TXNRD1: variants seen among roughly 807,000 people sequenced by gnomAD.
TXNRD1 encodes the protein thioredoxin reductase 1, cytoplasmic.
In TXNRD1, 57 loss-of-function variants were observed where a neutral mutation model predicts 80.3. The ratio of observed to expected loss-of-function variants is 0.71; its 90% CI spans 0.57 to 0.89. TXNRD1 has a LOEUF of 0.89. Among genes scored for constraint, TXNRD1 ranks in the 40% least tolerant of loss-of-function variants. TXNRD1 has a pLI of 0.00. For missense variants in TXNRD1, 730 were observed against 803.0 expected, an observed-to-expected ratio of 0.91 and a Z score of 1.10; for synonymous variants, 291 against 285.2, an observed-to-expected ratio of 1.02 and a Z score of -0.20.
At chr12:104,238,193 G>C (rs2032779882) in intron 1 of TXNRD1, among the ~76,000 whole-genome samples, 1 of 152,172 alleles carries the variant, frequency 6.6e-6, no homozygotes. Context: ...GTCATTCGCA[G>C]ACAATTGTTG....
rs566291103 is a variant in TXNRD1, at chr12:104,232,044, G to A, written c.91+16151G>A. 1.5e-4 allele frequency among the ~76,000 whole-genome samples: 23 copies of A among 152,268 alleles called. 1 individual carries two copies. In the South Asian group the frequency reaches 4.8e-3, roughly 32 times the overall value. On this transcript the variant is annotated intron_variant, in intron 1 of 16. Coordinates refer to ENST00000525566, the MANE Select transcript of TXNRD1 (RefSeq NM_001093771.3). ...TGTGTTGTTCATAGAATAAACTTTA[G>A]TCTTATACTTGGCCTGATTATTTGC... is the stretch of plus-strand genomic sequence containing the variant.
intron 4 of TXNRD1, among the ~76,000 whole-genome samples, chr12:104,301,220 G>A (rs903799407): frequency 6.6e-6 from 1 of 152,182 alleles, no homozygotes; most frequent in Admixed American, 6.5e-5. Flanking sequence ...TTAGATGAAA[G>A]GGTCTTTATG....
intron 7 of TXNRD1, among the ~76,000 whole-genome samples, chr12:104,316,417 TC>T (rs1476029278): frequency 6.6e-6 from 1 of 152,100 alleles, no homozygotes; most frequent in Non-Finnish European, 1.5e-5. Context: ...TGAGACGGAG[TC>T]TCACTCTGTC....
At chr12:104,233,217 A>G (rs1440183339) in intron 1 of TXNRD1, among the ~76,000 whole-genome samples, 4 of 152,246 alleles carry the variant, frequency 2.6e-5, no homozygotes, top group African/African-American at 9.6e-5. Context: ...CTTAACAAAG[A>G]GTTACTAGCA....
Position 104,311,270 on chromosome 12 carries a change from C to T in TXNRD1, c.415-20C>T, listed in dbSNP as rs977225465. 2.6e-6 allele frequency: 4 copies of T among 1,553,954 alleles called. No individual in the cohort carries two copies. Among genetic ancestry groups the T allele is most frequent in the Non-Finnish European group, 3.5e-6 (4 of 1,150,940 alleles). On this transcript the variant is annotated intron_variant, in intron 4 of 16. Coordinates refer to ENST00000525566, the MANE Select transcript of TXNRD1 (RefSeq NM_001093771.3). ...CTGATTTTAAGTTAAATTATTTTCT[C>T]TTCTGTTATTTTTCTTTAGGCTTAT... is the stretch of plus-strand genomic sequence containing the variant.
chr12:104,285,191 C>G (rs775779808), intron 3 of TXNRD1, among the ~76,000 whole-genome samples: 3 of 151,962 alleles, frequency 2.0e-5, no homozygotes, highest in Non-Finnish European at 4.4e-5. Context: ...AACAAACAAA[C>G]AAATAAATAA....
intron 4 of TXNRD1, among the ~76,000 whole-genome samples, chr12:104,307,648 A>C (rs892514713): frequency 2.0e-5 from 3 of 152,240 alleles, no homozygotes; most frequent in Admixed American, 6.5e-5. Context: ...AGGGGAAATA[A>C]AAGTACAAAT....
At chr12:104,233,489 A>G (rs1402500788) in intron 1 of TXNRD1, among the ~76,000 whole-genome samples, 1 of 152,144 alleles carries the variant, frequency 6.6e-6, no homozygotes, top group Non-Finnish European at 1.5e-5. Context: ...AGAGAAAAAT[A>G]AAAATGCTCC....
chr12:104,278,356 A>C (rs1002071115), intron 3 of TXNRD1, among the ~76,000 whole-genome samples: 7 of 149,594 alleles, frequency 4.7e-5, no homozygotes, highest in Middle Eastern at 3.5e-3. Flanking sequence ...GCCCACCCCC[A>C]AGCCTGGCTA....
chr12:104,265,522 C>T (rs2033462615), intron 3 of TXNRD1: 3 of 1,610,938 alleles, frequency 1.9e-6, no homozygotes, highest in Non-Finnish European at 2.5e-6. Context: ...TGAGAAGTCC[C>T]CCCTGCGGGT....
chr12:104,223,879 CA>C (rs1310718659), intron 1 of TXNRD1, among the ~76,000 whole-genome samples: 1 of 152,136 alleles, frequency 6.6e-6, no homozygotes, highest in East Asian at 1.9e-4. Flanking sequence ...TTTATTAAAA[CA>C]ACAACAAAAG....
intron 4 of TXNRD1, among the ~76,000 whole-genome samples, chr12:104,294,957 C>A (rs1010506115): frequency 5.3e-5 from 8 of 152,178 alleles, no homozygotes; most frequent in African/African-American, 9.7e-5. Context: ...CTTAAATAAT[C>A]CCTTCTTTTT....
intron 3 of TXNRD1, among the ~76,000 whole-genome samples, chr12:104,275,583 G>T (rs112176548): frequency 6.6e-6 from 1 of 151,884 alleles, no homozygotes; most frequent in South Asian, 2.1e-4. Flanking sequence ...GGGTTTCTCC[G>T]TGTTGGTCAG....
At chr12:104,278,092 TG>T (rs1489153902) in intron 3 of TXNRD1, among the ~76,000 whole-genome samples, 2 of 151,588 alleles carry the variant, frequency 1.3e-5, no homozygotes, top group African/African-American at 2.4e-5. Flanking sequence ...TTAGCTGGGA[TG>T]GTCTTGATCT....
Position 104,319,721 on chromosome 12 carries a change from G to A in TXNRD1, c.989+136G>A. ...CACATTGTGCCCTCTCTGGGGGCAG[G>A]GGTTTGGGAGAAAGAGAAAAAGGAA... is the stretch of plus-strand genomic sequence containing the variant. On this transcript the variant is annotated intron_variant, in intron 9 of 16. Transcript: ENST00000525566. The A allele has an allele frequency of 4.5e-6, 3 of 671,846 alleles. No homozygotes were observed. In the South Asian group the frequency reaches 5.4e-5, roughly 12 times the overall value. 41.6% of individuals were successfully genotyped at this position (671,846 alleles called of 1,614,324 possible).
chr12:104,253,041 C>T (rs2135706026), intron 2 of TXNRD1, among the ~76,000 whole-genome samples: 1 of 152,078 alleles, frequency 6.6e-6, no homozygotes. Flanking sequence ...AACTTGTCTG[C>T]CCCATGACTT....
chr12:104,269,292 G>GCAGCTC (rs1354583995), intron 3 of TXNRD1, among the ~76,000 whole-genome samples: 1 of 152,020 alleles, frequency 6.6e-6, no homozygotes, highest in Admixed American at 6.6e-5. Flanking sequence ...TCCATAAAAA[G>GCAGCTC]CAGCTCCTCA....
chr12:104,312,876 A>G (rs2135810090), intron 5 of TXNRD1, among the ~76,000 whole-genome samples: 1 of 152,350 alleles, frequency 6.6e-6, no homozygotes, highest in East Asian at 1.9e-4. Context: ...GTAGACTATC[A>G]GTAAACCTGC....
chr12:104,267,669 C>CTTTCTTTCTTTCTTTCTTTG (rs1565870112), intron 3 of TXNRD1, among the ~76,000 whole-genome samples: 2 of 40,588 alleles, frequency 4.9e-5, no homozygotes, highest in African/African-American at 8.4e-5. Context: ...TTCTTTCTTT[C>CTTTCTTTCTTTCTTTCTTTG]TTTCTTTCTT....
Sources: gnomAD v4.1 joint callset for allele counts (sites outside exome capture counted in the v4.1 genomes callset) on GRCh38, gnomAD v4.1.1 for gene constraint, MANE v1.5 for transcripts, NCBI Gene and HGNC (gene_info 2026-07-23, HGNC 2026-07-21) for gene names.